Variants in TMEM117 observed in about 807,000 individuals in gnomAD.
The protein encoded by TMEM117 is transmembrane protein 117.
A neutral mutation model predicts 52.4 loss-of-function variants in TMEM117; 27 were observed. That is an observed-to-expected ratio of 0.51 (90% CI 0.38 to 0.71). The LOEUF (loss-of-function observed/expected upper bound fraction) is 0.71. Among genes scored for constraint, TMEM117 ranks in the 30% least tolerant of loss-of-function variants. The pLI is 0.00. For missense variants in TMEM117, 556 were observed against 630.5 expected (o/e 0.88, Z 1.26); for synonymous variants, 215 against 206.3 (o/e 1.04, Z -0.36).
the TMEM117 span, among the ~76,000 whole-genome samples, chr12:43,820,483 C>A: frequency 6.6e-6 from 1 of 151,922 alleles, no homozygotes; most frequent in Non-Finnish European, 1.5e-5. Context: ...CCGTGTTAGC[C>A]AGGATGGTCT....
At chr12:43,866,652 A>G (rs1371354039) in intron 2 of TMEM117, among the ~76,000 whole-genome samples, 1 of 152,244 alleles carries the variant, frequency 6.6e-6, no homozygotes, top group Non-Finnish European at 1.5e-5. Context: ...CTGCTCTACA[A>G]GAAATGCTAA....
chr12:44,080,326 T>TG (rs1947461634), intron 3 of TMEM117, among the ~76,000 whole-genome samples: 1 of 151,938 alleles, frequency 6.6e-6, no homozygotes, highest in South Asian at 2.1e-4. Context: ...CAAGGAGAAG[T>TG]GCCAAGCAAG....
intron 2 of TMEM117, among the ~76,000 whole-genome samples, chr12:43,863,745 C>A (rs1325608267): frequency 6.6e-6 from 1 of 152,196 alleles, no homozygotes; most frequent in East Asian, 1.9e-4. Flanking sequence ...TGGCAGCCCT[C>A]GCAGCCCTCA....
chr12:44,319,176 CA>C (rs1951098699), intron 6 of TMEM117, among the ~76,000 whole-genome samples: 1 of 152,238 alleles, frequency 6.6e-6, no homozygotes, highest in African/African-American at 2.4e-5. Context: ...ATAATGCCTG[CA>C]TGGCCATGCT....
At chr12:43,845,122 G>A in intron 2 of TMEM117, 194 bp downstream of exon 2, 1 of 577,612 alleles carries the variant, frequency 1.7e-6, no homozygotes, top group Non-Finnish European at 2.8e-6. Flanking sequence ...TACTGTCTAA[G>A]GAAAATTAGC....
At chr12:43,966,084 A>C (rs1362432478) in intron 3 of TMEM117, among the ~76,000 whole-genome samples, 1 of 152,196 alleles carries the variant, frequency 6.6e-6, no homozygotes, top group Admixed American at 6.5e-5. Flanking sequence ...ACGTGATCTC[A>C]TTCTTTTTTA....
At chr12:44,153,609 G>A (rs565967306) in intron 4 of TMEM117, among the ~76,000 whole-genome samples, 1 of 152,000 alleles carries the variant, frequency 6.6e-6, no homozygotes, top group East Asian at 1.9e-4. Context: ...TTCTGGAATG[G>A]GAAAAAGGTA....
chr12:43,958,633 T>C (rs1448258081), intron 3 of TMEM117, among the ~76,000 whole-genome samples: 4 of 152,186 alleles, frequency 2.6e-5, no homozygotes, highest in Non-Finnish European at 1.5e-5. Context: ...TTCTGTTTCC[T>C]TTTTGATAAG....
intron 3 of TMEM117, among the ~76,000 whole-genome samples, chr12:44,007,443 G>A (rs6582494): frequency 0.2 from 30,549 of 150,394 alleles, 5,005 homozygotes; most frequent in African/African-American, 0.46. Flanking sequence ...TTTCTCTTTC[G>A]CTTTTGAAAA....
chr12:44,283,115 C>A (rs533663805), intron 5 of TMEM117, among the ~76,000 whole-genome samples: 1 of 152,362 alleles, frequency 6.6e-6, no homozygotes, highest in Non-Finnish European at 1.5e-5. Context: ...TATGGAAATG[C>A]CTGGATTCCC....
rs550526280 is a variant in TMEM117 at position 44,076,191 on chromosome 12, G to A, written c.411-67334G>A. Reference sequence around the variant, plus strand: ...AAATAATTGGAATGGATTTTGTAAAGCACTGGAAGTACTTTAAAAATTAGT... The same window carrying A: ...AAATAATTGGAATGGATTTTGTAAAACACTGGAAGTACTTTAAAAATTAGT... On this transcript the variant is annotated intron_variant, in intron 3 of 7. Transcript: ENST00000266534. Among the ~76,000 whole-genome samples, 6 of 152,300 alleles carry A rather than the reference G, an allele frequency of 3.9e-5. No individual in the cohort carries two copies. The South Asian group carries it at 1.2e-3, about 32-fold the overall frequency.
chr12:44,037,245 C>T (rs1946723807), intron 3 of TMEM117, among the ~76,000 whole-genome samples: 5 of 152,176 alleles, frequency 3.3e-5, no homozygotes. Flanking sequence ...ACAGCTATAG[C>T]CATCCAGCCA....
At chr12:43,894,202 T>C (rs902522249) in intron 2 of TMEM117, among the ~76,000 whole-genome samples, 1 of 152,198 alleles carries the variant, frequency 6.6e-6, no homozygotes, top group Admixed American at 6.5e-5. Flanking sequence ...GGCAGCCACC[T>C]TGGGGACAGC....
At chr12:43,840,644 G>A (rs116964327) in intron 1 of TMEM117, among the ~76,000 whole-genome samples, 1,851 of 152,284 alleles carry the variant, frequency 0.012, 30 homozygotes, top group East Asian at 0.071. Context: ...CCCAGTATGA[G>A]CCCAGTATTG....
intron 3 of TMEM117, among the ~76,000 whole-genome samples, chr12:43,963,637 T>C (rs1945439607): frequency 6.6e-6 from 1 of 152,196 alleles, no homozygotes; most frequent in African/African-American, 2.4e-5. Context: ...TTGACACATT[T>C]TGTCATAGCC....
chr12:44,336,424 C>G (rs1407393977), intron 6 of TMEM117, among the ~76,000 whole-genome samples: 1 of 152,006 alleles, frequency 6.6e-6, no homozygotes, highest in African/African-American at 2.4e-5. Context: ...TATATATTTT[C>G]TATTTGCCAT....
At chr12:44,033,303 G>T (rs73089710) in intron 3 of TMEM117, among the ~76,000 whole-genome samples, 1,708 of 152,282 alleles carry the variant, frequency 0.011, 16 homozygotes, top group Non-Finnish European at 0.018. Flanking sequence ...GCAACTAGCA[G>T]CCCTCTGGGC....
At chr12:44,061,313 C>A (rs1947135037) in intron 3 of TMEM117, among the ~76,000 whole-genome samples, 1 of 152,034 alleles carries the variant, frequency 6.6e-6, no homozygotes, top group African/African-American at 2.4e-5. Flanking sequence ...ACGAGAATTT[C>A]TTTGTAGGAT....
intron 3 of TMEM117, among the ~76,000 whole-genome samples, chr12:44,134,685 A>G (rs1039338346): frequency 4.6e-5 from 7 of 152,206 alleles, no homozygotes; most frequent in Admixed American, 3.3e-4. Context: ...TTGTATAGCC[A>G]ATTTAGTGTC....
Sources: allele counts gnomAD v4.1 joint callset (sites outside exome capture counted in the v4.1 genomes callset), GRCh38; gene constraint gnomAD v4.1.1; transcripts MANE v1.5; gene names NCBI Gene and HGNC (gene_info 2026-07-23, HGNC 2026-07-21).